Variants in TMEM232 observed in about 807,000 individuals in gnomAD.
TMEM232 encodes transmembrane protein 232.
Under a neutral mutation model 78.8 loss-of-function variants are expected in TMEM232, and 80 were observed. The observed-to-expected ratio is 1.01, with a 90% CI of 0.85 to 1.22. The LOEUF (loss-of-function observed/expected upper bound fraction) is 1.22, where lower values mean the gene tolerates loss of function less well. TMEM232 is among the 50% of genes most tolerant of loss of function. TMEM232 has a pLI of 0.00. For missense variants in TMEM232, 881 were observed against 742.2 expected (o/e 1.19, Z -2.17); for synonymous variants, 297 against 254.3 (o/e 1.17, Z -1.60).
At chr5:110,648,730 T>C (rs1388193076) in intron 2 of TMEM232, among the ~76,000 whole-genome samples, 1 of 152,104 alleles carries the variant, frequency 6.6e-6, no homozygotes, top group Non-Finnish European at 1.5e-5. Flanking sequence ...ATACCTAGAC[T>C]GTGAATAAAC....
intron 10 of TMEM232, among the ~76,000 whole-genome samples, chr5:110,585,053 A>G (rs540751456): frequency 2.8e-4 from 43 of 152,242 alleles, no homozygotes; most frequent in African/African-American, 1.0e-3. Flanking sequence ...TGAATGGAAT[A>G]CTTTGTATTG....
At chr5:110,439,336 CTATT>C (rs528144421) in intron 12 of TMEM232, among the ~76,000 whole-genome samples, 26 of 152,216 alleles carry the variant, frequency 1.7e-4, no homozygotes, top group African/African-American at 4.6e-4. Context: ...TATATTGTAA[CTATT>C]TAATTAATCT....
At chr5:110,629,112 AAAG>A (rs1012490542) in intron 5 of TMEM232, among the ~76,000 whole-genome samples, 15 of 152,102 alleles carry the variant, frequency 9.9e-5, no homozygotes, top group Non-Finnish European at 1.5e-5. Context: ...AAAATATTTA[AAAG>A]AATACTGAAA....
At chr5:110,551,504 T>A (rs1275238464) in intron 11 of TMEM232, among the ~76,000 whole-genome samples, 2 of 151,766 alleles carry the variant, frequency 1.3e-5, no homozygotes, top group East Asian at 3.9e-4. Context: ...ATTATAGGCA[T>A]GAGCCACCGC....
chr5:110,452,283 C>T lies in TMEM232; in HGVS notation c.1704-27367G>A, dbSNP rs112115289. 5.3e-3 allele frequency among the ~76,000 whole-genome samples: 799 copies of T among 152,148 alleles called. 6 individuals carry two copies. Among genetic ancestry groups the T allele is most frequent in the Admixed American group, 7.4e-3 (113 of 15,290 alleles). ...GTATTTTGTATACAGACAACTGATA[C>T]GATTTTTGTCTACCTGGTTGGTTAA... is the stretch of plus-strand genomic sequence containing the variant. On this transcript the variant is annotated intron_variant, in intron 12 of 13. Coordinates refer to ENST00000455884, the MANE Select transcript of TMEM232 (RefSeq NM_001039763.4).
chr5:110,727,418 T>C (rs1798264716), upstream of TMEM232, among the ~76,000 whole-genome samples: 1 of 152,198 alleles, frequency 6.6e-6, no homozygotes, highest in Non-Finnish European at 1.5e-5. Context: ...GAGACCATCC[T>C]GGCTAACATG....
intron 12 of TMEM232, among the ~76,000 whole-genome samples, chr5:110,521,941 C>G (rs1003279401): frequency 6.6e-6 from 1 of 152,178 alleles, no homozygotes; most frequent in Admixed American, 6.5e-5. Context: ...TGGCTATTCA[C>G]AATCTTTTGT....
At chr5:110,443,633 C>T (rs1038161379) in intron 12 of TMEM232, among the ~76,000 whole-genome samples, 4 of 152,136 alleles carry the variant, frequency 2.6e-5, no homozygotes, top group African/African-American at 9.7e-5. Flanking sequence ...ATCACCTTTC[C>T]CTCTGCTTTT....
At chr5:110,493,113 A>C (rs1378487024) in intron 12 of TMEM232, among the ~76,000 whole-genome samples, 1 of 151,990 alleles carries the variant, frequency 6.6e-6, no homozygotes, top group Non-Finnish European at 1.5e-5. Context: ...CAAGAAAAAA[A>C]ATTAGAATTA....
intron 12 of TMEM232, among the ~76,000 whole-genome samples, chr5:110,522,266 C>A (rs181075924): frequency 6.6e-6 from 1 of 152,204 alleles, no homozygotes; most frequent in African/African-American, 2.4e-5. Context: ...TATTTGTTGA[C>A]TCTGTATCCT....
chr5:110,436,171 C>G (rs371480857), intron 12 of TMEM232, among the ~76,000 whole-genome samples: 6 of 151,934 alleles, frequency 3.9e-5, no homozygotes, highest in South Asian at 4.1e-4. Context: ...GAAGGGATAT[C>G]TCGTTGTAGT....
At chr5:110,543,990 C>T (rs1424497798) in intron 11 of TMEM232, among the ~76,000 whole-genome samples, 1 of 152,048 alleles carries the variant, frequency 6.6e-6, no homozygotes, top group Non-Finnish European at 1.5e-5. Context: ...CAGACTTAAA[C>T]AAAATACTAA....
intron 2 of TMEM232, among the ~76,000 whole-genome samples, chr5:110,656,167 T>G (rs1230782465): frequency 6.6e-6 from 1 of 152,186 alleles, no homozygotes; most frequent in East Asian, 1.9e-4. Flanking sequence ...ACAAAGCACC[T>G]TCAATTTCAG....
At chr5:110,641,043 T>TA (rs1786623557) in intron 3 of TMEM232, 47 bp from the exon 4 acceptor site, 2 of 1,176,712 alleles carry the variant, frequency 1.7e-6, no homozygotes, top group Non-Finnish European at 2.3e-6. Context: ...GTACATATTT[T>TA]TATATATATA....
chr5:110,527,616 G>T (rs1210921705), intron 12 of TMEM232, among the ~76,000 whole-genome samples: 1 of 151,826 alleles, frequency 6.6e-6, no homozygotes, highest in East Asian at 1.9e-4. Context: ...CCAATCAGAT[G>T]TAATGTATAA....
chr5:110,714,095 A>T (rs904063905), intron 1 of TMEM232, among the ~76,000 whole-genome samples: 6 of 152,266 alleles, frequency 3.9e-5, no homozygotes, highest in African/African-American at 1.4e-4. Flanking sequence ...TCACCCTGCC[A>T]TGGACTCTTG....
At chr5:110,646,999 A>G (rs2150041656) in intron 2 of TMEM232, among the ~76,000 whole-genome samples, 1 of 151,856 alleles carries the variant, frequency 6.6e-6, no homozygotes, top group Admixed American at 6.6e-5. Context: ...ATTTAAAAAA[A>G]TATATTACTA....
chr5:110,515,477 C>T (rs1024483571), intron 12 of TMEM232, among the ~76,000 whole-genome samples: 1 of 144,336 alleles, frequency 6.9e-6, no homozygotes, highest in Non-Finnish European at 1.5e-5. Context: ...AAAAACATTT[C>T]TCCACTGAAA....
intron 12 of TMEM232, among the ~76,000 whole-genome samples, chr5:110,427,034 C>G (rs147669094): frequency 2.0e-5 from 3 of 151,978 alleles, no homozygotes; most frequent in Non-Finnish European, 4.4e-5. Flanking sequence ...TCTGTGATTT[C>G]TTAGTTACCT....
Sources: gnomAD v4.1 joint callset for allele counts (sites outside exome capture counted in the v4.1 genomes callset) on GRCh38, gnomAD v4.1.1 for gene constraint, MANE v1.5 for transcripts, NCBI Gene and HGNC (gene_info 2026-07-23, HGNC 2026-07-21) for gene names.